Variants in CCDC197 observed in about 807,000 individuals in gnomAD.
The protein encoded by CCDC197 is uncharacterized protein CCDC197.
CCDC197 carries 24 observed loss-of-function variants against 13.4 expected under a neutral mutation model. That is an observed-to-expected ratio of 1.80 (90% CI 1.30 to 2.53). CCDC197 has a LOEUF of 2.53. CCDC197 is among the 30% of genes most tolerant of loss of function. The probability of loss-of-function intolerance (pLI) is 0.00; values close to 1 mark genes in which losing one functional copy is unlikely to be tolerated. For synonymous variants in CCDC197, 99 were observed against 55.5 expected (o/e 1.78, Z -3.48); for missense variants, 255 against 148.8 (o/e 1.71, Z -3.71).
chr14:93,990,629 T>G (rs714682), intron 1 of CCDC197, among the ~76,000 whole-genome samples: 1 of 151,948 alleles, frequency 6.6e-6, no homozygotes, highest in Admixed American at 6.5e-5. Flanking sequence ...GAAGCTCCGA[T>G]TCACCCTCTA....
downstream of CCDC197, among the ~76,000 whole-genome samples, chr14:94,009,192 C>T (rs553483738): frequency 2.6e-5 from 4 of 152,314 alleles, no homozygotes; most frequent in South Asian, 8.3e-4. Flanking sequence ...TCACAGGACA[C>T]TGTAAAGAGC....
intron 3 of CCDC197, chr14:94,000,869 C>T: frequency 2.9e-6 from 1 of 343,232 alleles, no homozygotes. Flanking sequence ...GGGCAGTCTC[C>T]CGCCTCGCTC....
chr14:94,001,009 G>C (rs2141364943), intron 3 of CCDC197, 136 bp from the exon 4 acceptor site: 1 of 570,568 alleles, frequency 1.8e-6, no homozygotes, highest in Admixed American at 3.1e-5. Context: ...CCATCCTACT[G>C]TCTGGGGTCA....
Position 94,003,196 on chromosome 14 carries a change from C to A in CCDC197, c.367-27C>A, listed in dbSNP as rs997654426. On this transcript the variant is annotated intron_variant, in intron 4 of 6. Transcript: ENST00000636493. The surrounding 1 kb of genome is among the most constrained non-coding windows in gnomAD (Gnocchi z 5.0). ...ATATGCCCTGGAGGGTTTGTTGTAC[C>A]AAGATGGCCCATTCCCTCTGCCCCA... 1 of 775,950 alleles carries A rather than the reference C, an allele frequency of 1.3e-6. No homozygotes were observed. Among genetic ancestry groups the A allele is most frequent in the Non-Finnish European group, 2.4e-6 (1 of 415,950 alleles). 48.1% of individuals were successfully genotyped at this position (775,950 alleles called of 1,614,324 possible).
chr14:93,995,119 C>T (rs1045008978), upstream of CCDC197, among the ~76,000 whole-genome samples: 1 of 152,186 alleles, frequency 6.6e-6, no homozygotes, highest in Non-Finnish European at 1.5e-5. Flanking sequence ...ATGAGTCACT[C>T]CCGCTGCCAC....
At chr14:93,990,923 C>T (rs578172094) in intron 1 of CCDC197, among the ~76,000 whole-genome samples, 8 of 152,286 alleles carry the variant, frequency 5.3e-5, no homozygotes, top group African/African-American at 1.9e-4. Context: ...GGTAATATTG[C>T]TAATCTCATT....
upstream of CCDC197, among the ~76,000 whole-genome samples, chr14:93,993,019 TA>T (rs1235188511): frequency 1.3e-5 from 2 of 152,112 alleles, no homozygotes; most frequent in Non-Finnish European, 2.9e-5. Flanking sequence ...TGCCAGGTCT[TA>T]GTAAAATTCT....
chr14:93,990,145 T>C (rs180853068), intron 1 of CCDC197, among the ~76,000 whole-genome samples: 25 of 152,312 alleles, frequency 1.6e-4, no homozygotes, highest in Admixed American at 1.2e-3. Flanking sequence ...ATCTTCCTAG[T>C]TCAAGGTCAA....
At chr14:94,007,415 C>T (rs1890712747) in intron 6 of CCDC197, 1 of 152,174 alleles carries the variant, frequency 6.6e-6, no homozygotes, top group South Asian at 2.1e-4. Flanking sequence ...GGACCCTTGT[C>T]AAAAATCAAT....
At chr14:93,988,464 GGATGGGAGA>G (rs1890143808) in intron 1 of CCDC197, among the ~76,000 whole-genome samples, 1 of 49,138 alleles carries the variant, frequency 2.0e-5, no homozygotes, top group Non-Finnish European at 3.9e-5. Flanking sequence ...TGGGAGGAGG[GGATGGGAGA>G]CAAGATGGGA....
At chr14:94,011,184 T>C (rs979410977), downstream of CCDC197, among the ~76,000 whole-genome samples, 1 of 152,196 alleles carries the variant, frequency 6.6e-6, no homozygotes, top group East Asian at 1.9e-4. Context: ...CCTAATCCTG[T>C]CTGACCTCCC....
chr14:94,007,338 G>A (rs1301287141), intron 6 of CCDC197: 3 of 152,132 alleles, frequency 2.0e-5, no homozygotes, highest in African/African-American at 7.2e-5. Context: ...TATTTCGCAT[G>A]AGGATATTCA....
downstream of CCDC197, among the ~76,000 whole-genome samples, chr14:94,010,721 G>A (rs1595359570): frequency 6.6e-6 from 1 of 152,202 alleles, no homozygotes; most frequent in East Asian, 1.9e-4. Flanking sequence ...GAAGGTGGCT[G>A]GGGGACCACG....
chr14:94,000,034 T>G (rs1311815684), intron 3 of CCDC197, among the ~76,000 whole-genome samples: 1 of 152,204 alleles, frequency 6.6e-6, no homozygotes, highest in Non-Finnish European at 1.5e-5. Flanking sequence ...ATTATTATTT[T>G]GTTTGTCTTT....
Position 94,008,769 on chromosome 14 carries a change from C to A in CCDC197, c.776C>A (p.Pro259His), listed in dbSNP as rs762294014. The A allele has an allele frequency of 2.8e-6, 2 of 702,544 alleles. No homozygotes were observed. The highest frequency in any genetic ancestry group is 5.4e-5 in the East Asian group (2 of 37,306). 43.5% of individuals were successfully genotyped at this position (702,544 alleles called of 1,614,324 possible). ...AGGCGGGTTTCCACCCCCAGGACCC[C>A]CTTTCCCAGCCCCCATGCTTCAGAG... ...PRRRVSTPRT[P>H]FPSPHASECS... The change falls in exon 7 of 7, where the codon CCC becomes CAC. Residue 259 changes from proline (P) to histidine (H), a missense_variant. Physicochemically the swap from Pro to His is moderately conservative, Grantham distance 77. Transcript: ENST00000636493.
At chr14:94,010,919 G>A (rs138943939), downstream of CCDC197, among the ~76,000 whole-genome samples, 9 of 152,284 alleles carry the variant, frequency 5.9e-5, no homozygotes, top group East Asian at 1.7e-3. Flanking sequence ...GCATCAGGAG[G>A]CCCTGTATCA....
At chr14:93,988,869 G>T (rs1376349428) in intron 1 of CCDC197, among the ~76,000 whole-genome samples, 1 of 142,488 alleles carries the variant, frequency 7.0e-6, no homozygotes, top group Non-Finnish European at 1.5e-5. Context: ...GGGATGGAAG[G>T]AGGAGATGGG....
At chr14:94,000,753 A>G (rs911250772) in intron 3 of CCDC197, 2 of 163,034 alleles carry the variant, frequency 1.2e-5, no homozygotes, top group Non-Finnish European at 2.6e-5. Flanking sequence ...TGCCCTGTTC[A>G]ACCCATCCAA....
At chr14:94,010,811 GT>G (rs1412129348), downstream of CCDC197, among the ~76,000 whole-genome samples, 1 of 152,076 alleles carries the variant, frequency 6.6e-6, no homozygotes, top group African/African-American at 2.4e-5. Context: ...ATGCCTCTCT[GT>G]TCTCTGTCTT....
Sources: gnomAD v4.1 joint callset for allele counts (sites outside exome capture counted in the v4.1 genomes callset) on GRCh38, gnomAD v4.1.1 for gene constraint, Gnocchi (gnomAD v3.1) non-coding constraint, MANE v1.5 for transcripts, NCBI Gene and HGNC (gene_info 2026-07-23, HGNC 2026-07-21) for gene names.